The following PHF24 variants were observed in gnomAD, a reference collection of about 807,000 sequenced individuals.
The protein encoded by PHF24 is Galpha inhibitory interacting protein.
A neutral mutation model predicts 42.6 loss-of-function variants in PHF24; 25 were observed. The ratio of observed to expected loss-of-function variants is 0.59; its 90% confidence interval spans 0.43 to 0.82. The LOEUF (loss-of-function observed/expected upper bound fraction) is 0.82. Ranked by LOEUF, PHF24 falls within the 40% of genes least tolerant of loss-of-function variation. The probability of loss-of-function intolerance (pLI) is 0.00; values close to 1 mark genes in which losing one functional copy is unlikely to be tolerated. For synonymous variants in PHF24, 185 were observed against 204.8 expected (o/e 0.90, Z 0.83); for missense variants, 470 against 538.1 (o/e 0.87, Z 1.25).
chr9:34,779,875 G>C, the PHF24 span, among the ~76,000 whole-genome samples: 13 of 152,146 alleles, frequency 8.5e-5, no homozygotes, highest in Non-Finnish European at 1.5e-4. Context: ...ACAGGCGCCT[G>C]CCAACACGCC....
In PHF24 at chr9:34,958,642, T is replaced by G. The variant is rs554289001; in HGVS notation, c.-5+241T>G. 5.3e-5 allele frequency among the ~76,000 whole-genome samples: 8 copies of G among 152,266 alleles called. No individual in the cohort carries two copies. Among genetic ancestry groups the G allele is most frequent in the Admixed American group, 5.2e-4 (8 of 15,308 alleles). ...GGGAATGGACTCCCGCGGCGCTGTCTGCATTTGCTGCCATAGGGAGCCCCA... is the reference window on the plus strand; with the variant it reads ...GGGAATGGACTCCCGCGGCGCTGTCGGCATTTGCTGCCATAGGGAGCCCCA... On this transcript the variant is annotated intron_variant, in intron 1 of 7. Coordinates refer to ENST00000242315, the Ensembl canonical transcript of PHF24. The surrounding 1 kb of genome is among the most constrained non-coding windows in gnomAD (Gnocchi z 4.5).
the PHF24 span, among the ~76,000 whole-genome samples, chr9:34,929,711 A>C: frequency 2.6e-5 from 4 of 152,180 alleles, no homozygotes; most frequent in Non-Finnish European, 5.9e-5. Context: ...GCCATGTAAC[A>C]GCTATTAGCT....
chr9:34,734,804 C>T, the PHF24 span, among the ~76,000 whole-genome samples: 10 of 152,216 alleles, frequency 6.6e-5, no homozygotes, highest in African/African-American at 2.4e-4. Context: ...AGAATCTCCC[C>T]ACCCTGACCA....
intron 1 of PHF24, among the ~76,000 whole-genome samples, chr9:34,970,623 C>T (rs1207315115): frequency 6.6e-6 from 1 of 152,204 alleles, no homozygotes; most frequent in African/African-American, 2.4e-5. Context: ...ATGGCACCTA[C>T]TGAAGGAGCT....
upstream of PHF24, among the ~76,000 whole-genome samples, chr9:34,954,938 C>G (rs1426228239): frequency 6.6e-6 from 1 of 152,210 alleles, no homozygotes; most frequent in African/African-American, 2.4e-5. Context: ...TATCAAATAG[C>G]CTTCCCTTCC....
chr9:34,678,134 A>G, the PHF24 span: 1 of 152,208 alleles, frequency 6.6e-6, no homozygotes. Flanking sequence ...CTAGCCTCCC[A>G]GCCTACATCT....
the PHF24 span, among the ~76,000 whole-genome samples, chr9:34,815,471 C>T: frequency 5.3e-5 from 8 of 152,106 alleles, no homozygotes; most frequent in South Asian, 2.1e-4. Flanking sequence ...TACAGGCGCC[C>T]GCCACCACGC....
intron 3 of PHF24, among the ~76,000 whole-genome samples, chr9:34,973,455 CAG>C (rs1465892144): frequency 1.3e-5 from 2 of 152,200 alleles, no homozygotes; most frequent in Middle Eastern, 3.2e-3. Flanking sequence ...TAATGAAGGA[CAG>C]AGTCTAAGGT....
At chr9:34,773,656 TTGATA>T in the PHF24 span, among the ~76,000 whole-genome samples, 1 of 152,204 alleles carries the variant, frequency 6.6e-6, no homozygotes, top group Non-Finnish European at 1.5e-5. Context: ...GTGTGTACCC[TTGATA>T]TGATATGATG....
the PHF24 span, among the ~76,000 whole-genome samples, chr9:34,718,390 C>G: frequency 6.6e-6 from 1 of 152,230 alleles, no homozygotes; most frequent in Non-Finnish European, 1.5e-5. Flanking sequence ...CCTGAGAATG[C>G]ACAGACCTCT....
At chr9:34,877,643 A>T in the PHF24 span, among the ~76,000 whole-genome samples, 2 of 152,114 alleles carry the variant, frequency 1.3e-5, no homozygotes, top group Non-Finnish European at 2.9e-5. Flanking sequence ...TGTTATATAT[A>T]TTTTTACCAT....
At chr9:34,697,787 C>T in the PHF24 span, among the ~76,000 whole-genome samples, 1 of 152,180 alleles carries the variant, frequency 6.6e-6, no homozygotes, top group South Asian at 2.1e-4. Flanking sequence ...CACAAGAACA[C>T]ATTAGTGAGG....
the PHF24 span, among the ~76,000 whole-genome samples, chr9:34,742,602 AT>A: frequency 5.9e-5 from 9 of 151,814 alleles, no homozygotes; most frequent in South Asian, 1.9e-3. Flanking sequence ...TTTATTTTGT[AT>A]TTTTTTTATA....
At chr9:34,861,509 G>A in the PHF24 span, among the ~76,000 whole-genome samples, 3 of 152,134 alleles carry the variant, frequency 2.0e-5, no homozygotes, top group Non-Finnish European at 2.9e-5. Flanking sequence ...GTGCCATAAA[G>A]TCTAGAAGTA....
the PHF24 span, among the ~76,000 whole-genome samples, chr9:34,909,622 TC>T: frequency 1.4e-4 from 21 of 150,758 alleles, no homozygotes; most frequent in South Asian, 6.3e-4. Context: ...AGAGAAGAAA[TC>T]CTTTTTTTTT....
the PHF24 span, chr9:34,689,915 G>C: frequency 3.1e-6 from 5 of 1,613,816 alleles, no homozygotes; most frequent in Non-Finnish European, 4.2e-6. This position sits in a 1 kb window ranked among gnomAD's most constrained non-coding sequence, Gnocchi z 4.1. Context: ...CAGGGCCAGG[G>C]AGGGCCAGGC....
chr9:34,877,155 C>A, the PHF24 span, among the ~76,000 whole-genome samples: 1 of 151,912 alleles, frequency 6.6e-6, no homozygotes, highest in South Asian at 2.1e-4. Flanking sequence ...GTGGCACACG[C>A]CTATAATCCC....
chr9:34,852,874 A>G, the PHF24 span, among the ~76,000 whole-genome samples: 2 of 152,100 alleles, frequency 1.3e-5, no homozygotes, highest in Non-Finnish European at 1.5e-5. Flanking sequence ...GATCCTTTTG[A>G]GTAGCTGGAA....
At chr9:34,790,018 A>G in the PHF24 span, among the ~76,000 whole-genome samples, 1 of 151,848 alleles carries the variant, frequency 6.6e-6, no homozygotes, top group African/African-American at 2.4e-5. Context: ...GGCTAATTTT[A>G]ATTTTTTTTT....
Sources: gnomAD v4.1 joint callset for allele counts (sites outside exome capture counted in the v4.1 genomes callset) on GRCh38, gnomAD v4.1.1 for gene constraint, Gnocchi (gnomAD v3.1) non-coding constraint, MANE v1.5 for transcripts, NCBI Gene and HGNC (gene_info 2026-07-23, HGNC 2026-07-21) for gene names.